Variants in DCUN1D3 observed in about 807,000 individuals in gnomAD.
DCUN1D3 encodes defective in cullin neddylation 1 domain containing 3.
A neutral mutation model predicts 24.8 loss-of-function variants in DCUN1D3; 6 were observed. The ratio of observed to expected loss-of-function variants is 0.24; its 90% CI spans 0.13 to 0.48. DCUN1D3 has a LOEUF of 0.48. Ranked by LOEUF, DCUN1D3 falls within the 20% of genes least tolerant of loss-of-function variation. DCUN1D3 has a pLI of 0.99. For missense variants in DCUN1D3, 258 were observed against 379.4 expected (o/e 0.68, Z 2.66); for synonymous variants, 120 against 144.9 (o/e 0.83, Z 1.24).
At chr16:20,871,724 C>T (rs1236474070) in intron 1 of DCUN1D3, among the ~76,000 whole-genome samples, 9 of 152,168 alleles carry the variant, frequency 5.9e-5, no homozygotes, top group Non-Finnish European at 1.3e-4. Flanking sequence ...TTTAATCCCA[C>T]ATAACTCAAA....
At chr16:20,880,456 T>G (rs932411605) in intron 1 of DCUN1D3, among the ~76,000 whole-genome samples, 4 of 151,366 alleles carry the variant, frequency 2.6e-5, no homozygotes, top group African/African-American at 9.7e-5. Flanking sequence ...AATAAAAAAA[T>G]TAGCCAGCCT....
chr16:20,864,884 G>A (rs1223830425), intron 1 of DCUN1D3, among the ~76,000 whole-genome samples: 2 of 152,152 alleles, frequency 1.3e-5, no homozygotes, highest in Non-Finnish European at 2.9e-5. Context: ...GCAAACTAAC[G>A]CAGGGACAGA....
At chr16:20,881,511 C>T (rs2081843434) in intron 1 of DCUN1D3, among the ~76,000 whole-genome samples, 1 of 152,052 alleles carries the variant, frequency 6.6e-6, no homozygotes, top group Non-Finnish European at 1.5e-5. Context: ...TGCTTATAAC[C>T]CACCAATGAG....
At chr16:20,870,836 G>T (rs1451672568) in intron 1 of DCUN1D3, among the ~76,000 whole-genome samples, 1 of 152,136 alleles carries the variant, frequency 6.6e-6, no homozygotes, top group African/African-American at 2.4e-5. Flanking sequence ...TCCTACATAT[G>T]TCAGATACCC....
intron 1 of DCUN1D3, among the ~76,000 whole-genome samples, chr16:20,863,109 A>G (rs2081742124): frequency 6.6e-6 from 1 of 152,210 alleles, no homozygotes; most frequent in Non-Finnish European, 1.5e-5. Flanking sequence ...CATATTCAGA[A>G]CAATAGTCTC....
At chr16:20,878,868 A>T (rs1288929129) in intron 1 of DCUN1D3, among the ~76,000 whole-genome samples, 1 of 152,188 alleles carries the variant, frequency 6.6e-6, no homozygotes, top group East Asian at 1.9e-4. Flanking sequence ...GTTTCACATG[A>T]CTGCGAGAAA....
At chr16:20,899,111 A>G (rs889573335) in intron 1 of DCUN1D3, among the ~76,000 whole-genome samples, 4 of 152,280 alleles carry the variant, frequency 2.6e-5, no homozygotes, top group Non-Finnish European at 5.9e-5. Context: ...TGTGTCACAC[A>G]TAAATGGAGA....
At chr16:20,862,043 C>G (rs1242061441) in intron 2 of DCUN1D3, 65 bp downstream of exon 2, 1 of 1,546,552 alleles carries the variant, frequency 6.5e-7, no homozygotes, top group Non-Finnish European at 8.8e-7. Flanking sequence ...AGCTGGGCAC[C>G]ACTGCCCAAT....
In DCUN1D3 at chr16:20,877,196, CAT is replaced by C. The variant is rs534791836; in HGVS notation, c.-105-14555_-105-14554del. On this transcript the variant is annotated intron_variant, in intron 1 of 2. Coordinates refer to ENST00000324344, the MANE Select transcript of DCUN1D3 (RefSeq NM_173475.4). The stretch of plus-strand genomic sequence containing the variant: ...ATAATGTGAATGTATCATATTATCA[CAT>C]GTCTCAAAACTACATATATTATTTA... Among the ~76,000 whole-genome samples, 135 of 151,994 alleles carry C rather than the reference CAT, an allele frequency of 8.9e-4. 1 individual carries two copies. Among genetic ancestry groups the C allele is most frequent in the Middle Eastern group, 6.8e-3 (2 of 294 alleles).
Position 20,859,843 on chromosome 16 carries a change from G to A in DCUN1D3, c.*43C>T. The A allele has an allele frequency of 6.5e-7, 1 of 1,541,406 alleles. No homozygotes were observed. The highest frequency in any genetic ancestry group is 1.4e-5 in the African/African-American group (1 of 72,714). On this transcript the variant is annotated 3_prime_UTR_variant, in exon 3 of 3. Coordinates refer to ENST00000324344, the MANE Select transcript of DCUN1D3 (RefSeq NM_173475.4). The stretch of plus-strand genomic sequence containing the variant: ...TGGTCCAATTCCTCAGTTGGCTGCA[G>A]GGCAGCTGGCAGATCCTTGCTGCTG...
At chr16:20,869,442 C>T (rs1161376101) in intron 1 of DCUN1D3, among the ~76,000 whole-genome samples, 1 of 152,154 alleles carries the variant, frequency 6.6e-6, no homozygotes, top group Non-Finnish European at 1.5e-5. Flanking sequence ...CACCTTCAAG[C>T]CTCCCAACAA....
chr16:20,873,170 G>C (rs1253198684), intron 1 of DCUN1D3, among the ~76,000 whole-genome samples: 1 of 151,910 alleles, frequency 6.6e-6, no homozygotes, highest in Non-Finnish European at 1.5e-5. Flanking sequence ...AGTGATTCTG[G>C]CTCCAGGGAT....
intron 1 of DCUN1D3, among the ~76,000 whole-genome samples, chr16:20,875,413 T>C (rs1038851869): frequency 6.6e-5 from 10 of 152,234 alleles, no homozygotes; most frequent in African/African-American, 2.2e-4. Flanking sequence ...AGTATAGTCA[T>C]GTGCCTTCCA....
chr16:20,877,049 C>T (rs1485641178), intron 1 of DCUN1D3, among the ~76,000 whole-genome samples: 1 of 151,898 alleles, frequency 6.6e-6, no homozygotes, highest in Non-Finnish European at 1.5e-5. Context: ...CTCCAGTCAA[C>T]AATAATCTAA....
intron 1 of DCUN1D3, among the ~76,000 whole-genome samples, chr16:20,887,030 T>C (rs555781266): frequency 1.6e-4 from 25 of 152,290 alleles, no homozygotes; most frequent in Admixed American, 4.6e-4. Flanking sequence ...ACAGAACTAG[T>C]AGGCTGGGCG....
At chr16:20,877,269 A>AT (rs1249439091) in intron 1 of DCUN1D3, among the ~76,000 whole-genome samples, 1 of 152,060 alleles carries the variant, frequency 6.6e-6, no homozygotes, top group Non-Finnish European at 1.5e-5. Context: ...GAAAAAAAAA[A>AT]GGTCACGGTG....
At chr16:20,876,943 G>C (rs1348070213) in intron 1 of DCUN1D3, among the ~76,000 whole-genome samples, 2 of 152,150 alleles carry the variant, frequency 1.3e-5, no homozygotes, top group African/African-American at 4.8e-5. Flanking sequence ...GTAGTTACCA[G>C]AGGCAGGGAA....
At chr16:20,876,035 G>A (rs1285379042) in intron 1 of DCUN1D3, among the ~76,000 whole-genome samples, 1 of 151,714 alleles carries the variant, frequency 6.6e-6, no homozygotes, top group Non-Finnish European at 1.5e-5. Context: ...GCATGATCTC[G>A]GCTCACTGCA....
Position 20,900,333 on chromosome 16 carries a change from C to G in DCUN1D3, c.-235G>C, listed in dbSNP as rs1430666621. 6.6e-6 allele frequency: 1 copy of G among 152,010 alleles called. No individual in the cohort carries two copies. Among genetic ancestry groups the G allele is most frequent in the Admixed American group, 6.6e-5 (1 of 15,236 alleles). The allele number at this position is 152,010 out of a possible 1,614,324, so 9.4% of individuals were successfully genotyped here. A position where few individuals can be genotyped will look rare whatever the true frequency, so the allele number is the denominator to read the frequency against. On this transcript the variant is annotated 5_prime_UTR_variant, in exon 1 of 3. Transcript: ENST00000324344. ...CCCGCCGCCGCCGCCTCTTCTTCCA[C>G]CACTGCCACCGCCTCCTCTTCATCT...
Sources: allele counts gnomAD v4.1 joint callset (sites outside exome capture counted in the v4.1 genomes callset), GRCh38; gene constraint gnomAD v4.1.1; transcripts MANE v1.5; gene names NCBI Gene and HGNC (gene_info 2026-07-23, HGNC 2026-07-21).